The following CAMK4 variants were observed in gnomAD, a reference collection of about 807,000 sequenced individuals.
CAMK4 encodes calcium/calmodulin-dependent protein kinase type IV.
In CAMK4, 22 loss-of-function variants were observed where a neutral mutation model predicts 44.9. That is an observed-to-expected ratio of 0.49 (90% CI 0.35 to 0.70). The LOEUF is 0.70. Ranked by LOEUF, CAMK4 falls within the 30% of genes least tolerant of loss-of-function variation. The pLI, the probability that CAMK4 is intolerant of heterozygous loss-of-function variation, is 0.01. For synonymous variants in CAMK4, 218 were observed against 215.4 expected, an observed-to-expected ratio of 1.01 and a Z score of -0.11; for missense variants, 498 against 586.8, an observed-to-expected ratio of 0.85 and a Z score of 1.56.
At chr5:111,298,848 G>A in intron 1 of CAMK4, among the ~76,000 whole-genome samples, 1 of 152,262 alleles carries the variant, frequency 6.6e-6, no homozygotes, top group South Asian at 2.1e-4. Context: ...GGAACACAAT[G>A]TTGTACCTTT....
intron 4 of CAMK4, among the ~76,000 whole-genome samples, chr5:111,391,533 A>G (rs1306841502): frequency 6.6e-6 from 1 of 152,154 alleles, no homozygotes; most frequent in East Asian, 1.9e-4. Context: ...TAAAAAAAAA[A>G]CATGAAAATA....
chr5:111,432,830 C>A (rs1204434096), intron 5 of CAMK4, among the ~76,000 whole-genome samples: 2 of 151,916 alleles, frequency 1.3e-5, no homozygotes, highest in Non-Finnish European at 2.9e-5. Context: ...TTCATTCACT[C>A]CTTTCATATA....
intron 1 of CAMK4, among the ~76,000 whole-genome samples, chr5:111,237,682 T>A (rs1190808503): frequency 6.6e-6 from 1 of 152,226 alleles, no homozygotes; most frequent in Non-Finnish European, 1.5e-5. Flanking sequence ...TAGAAAAGAA[T>A]CATTCTTTTT....
intron 7 of CAMK4, among the ~76,000 whole-genome samples, chr5:111,468,214 G>C (rs1754915699): frequency 6.6e-6 from 1 of 152,010 alleles, no homozygotes; most frequent in South Asian, 2.1e-4. Flanking sequence ...TACACATTGG[G>C]TACAGTGTAC....
chr5:111,476,470 G>A (rs1343203620), intron 8 of CAMK4, among the ~76,000 whole-genome samples: 1 of 151,830 alleles, frequency 6.6e-6, no homozygotes, highest in Non-Finnish European at 1.5e-5. Flanking sequence ...GTAGAGATGG[G>A]GTTTCACCAT....
intron 5 of CAMK4, among the ~76,000 whole-genome samples, chr5:111,431,050 C>A (rs937613077): frequency 6.6e-6 from 1 of 151,964 alleles, no homozygotes; most frequent in Admixed American, 6.6e-5. Context: ...AAAAAAACCA[C>A]CTGGAGGAAT....
At chr5:111,456,420 G>A (rs1754418590) in intron 7 of CAMK4, among the ~76,000 whole-genome samples, 2 of 152,028 alleles carry the variant, frequency 1.3e-5, no homozygotes, top group African/African-American at 2.4e-5. Context: ...GAACCCAGGA[G>A]GCGGGGCTTG....
At chr5:111,440,589 T>G (rs1378852264) in intron 5 of CAMK4, among the ~76,000 whole-genome samples, 1 of 131,176 alleles carries the variant, frequency 7.6e-6, no homozygotes, top group African/African-American at 2.5e-5. Context: ...TATTGCATCA[T>G]CTTGGGTAGA....
chr5:111,318,029 C>G (rs947528722), intron 1 of CAMK4, among the ~76,000 whole-genome samples: 1 of 150,046 alleles, frequency 6.7e-6, no homozygotes, highest in African/African-American at 2.4e-5. Context: ...AATGGAAACA[C>G]TTGATTTAAT....
chr5:111,408,406 C>G (rs148324839), intron 5 of CAMK4, among the ~76,000 whole-genome samples: 1 of 152,150 alleles, frequency 6.6e-6, no homozygotes, highest in Non-Finnish European at 1.5e-5. Flanking sequence ...GCTTTTGCAT[C>G]GGATCTTGTG....
intron 4 of CAMK4, among the ~76,000 whole-genome samples, chr5:111,393,349 G>A (rs546636501): frequency 6.6e-6 from 1 of 152,268 alleles, no homozygotes; most frequent in South Asian, 2.1e-4. Context: ...AAAAAGTAGA[G>A]AGGGCAGGAA....
intron 7 of CAMK4, among the ~76,000 whole-genome samples, chr5:111,471,029 T>C (rs1489871892): frequency 2.6e-5 from 4 of 152,260 alleles, no homozygotes; most frequent in Non-Finnish European, 4.4e-5. Context: ...CACCTCTTGG[T>C]AGCCATTGCT....
At chr5:111,458,303 ACT>A (rs1375138763) in intron 7 of CAMK4, among the ~76,000 whole-genome samples, 3 of 152,098 alleles carry the variant, frequency 2.0e-5, no homozygotes, top group African/African-American at 4.8e-5. Context: ...GAGGAAAGGG[ACT>A]CTGCAGGTTG....
intron 2 of CAMK4, among the ~76,000 whole-genome samples, chr5:111,352,046 T>C (rs188156907): frequency 6.6e-6 from 1 of 152,222 alleles, no homozygotes; most frequent in East Asian, 1.9e-4. Flanking sequence ...AATCCTATCA[T>C]GAGGGCTCTA....
chr5:111,236,376 T>G (rs565454667), intron 1 of CAMK4, among the ~76,000 whole-genome samples: 5 of 152,370 alleles, frequency 3.3e-5, no homozygotes, highest in African/African-American at 1.2e-4. Context: ...ATACTGTCTT[T>G]AAGTACGTTG....
chr5:111,343,350 A>T (rs900091644), intron 1 of CAMK4, among the ~76,000 whole-genome samples: 2 of 151,690 alleles, frequency 1.3e-5, no homozygotes, highest in Non-Finnish European at 2.9e-5. Flanking sequence ...CTGAAGTTGA[A>T]GTGTAAGCCT....
At chr5:111,419,665 T>TAGCC (rs1222544848) in intron 5 of CAMK4, among the ~76,000 whole-genome samples, 1 of 152,222 alleles carries the variant, frequency 6.6e-6, no homozygotes, top group Non-Finnish European at 1.5e-5. Flanking sequence ...TACATATGGC[T>TAGCC]AGCCAGTTTT....
intron 1 of CAMK4, among the ~76,000 whole-genome samples, chr5:111,249,664 ATATG>A (rs1328835895): frequency 1.1e-4 from 13 of 121,686 alleles, no homozygotes; most frequent in African/African-American, 2.9e-4. Flanking sequence ...GTGTGTATAT[ATATG>A]TGTGTGTGTG....
intron 2 of CAMK4, among the ~76,000 whole-genome samples, chr5:111,374,286 T>C (rs1261381260): frequency 6.6e-6 from 1 of 152,188 alleles, no homozygotes; most frequent in Non-Finnish European, 1.5e-5. Context: ...TATCCTCTTT[T>C]GCTCTCATAA....
Sources: gnomAD v4.1 joint callset for allele counts (sites outside exome capture counted in the v4.1 genomes callset) on GRCh38, gnomAD v4.1.1 for gene constraint, MANE v1.5 for transcripts, NCBI Gene and HGNC (gene_info 2026-07-23, HGNC 2026-07-21) for gene names.